GLIS3: variants seen among roughly 807,000 people sequenced by gnomAD.
The protein encoded by GLIS3 is zinc finger protein GLIS3.
In GLIS3, 53 loss-of-function variants were observed where a neutral mutation model predicts 78.6. That is an observed-to-expected ratio of 0.67 (90% CI 0.54 to 0.85). The LOEUF (loss-of-function observed/expected upper bound fraction) is 0.85, where lower values mean the gene tolerates loss of function less well. Ranked by LOEUF, GLIS3 falls within the 40% of genes least tolerant of loss-of-function variation. The pLI, the probability that GLIS3 is intolerant of heterozygous loss-of-function variation, is 0.00. For synonymous variants in GLIS3, 684 were observed against 509.9 expected (o/e 1.34, Z -4.60); for missense variants, 1,703 against 1,231.1 (o/e 1.38, Z -5.74).
chr9:4,271,202 T>C (rs1183604506), intron 2 of GLIS3, among the ~76,000 whole-genome samples: 1 of 152,166 alleles, frequency 6.6e-6, no homozygotes, highest in East Asian at 1.9e-4. Context: ...GTAACTTCTG[T>C]TTCTCAGTAG....
the GLIS3 span, among the ~76,000 whole-genome samples, chr9:4,434,355 T>C: frequency 6.6e-6 from 1 of 152,320 alleles, no homozygotes; most frequent in Non-Finnish European, 1.5e-5. Context: ...ATTTATTTTA[T>C]GACAGTATGT....
At chr9:3,916,568 T>C (rs2130709225) in intron 6 of GLIS3, among the ~76,000 whole-genome samples, 1 of 152,362 alleles carries the variant, frequency 6.6e-6, no homozygotes, top group Non-Finnish European at 1.5e-5. Context: ...TAATCCTCTT[T>C]TGCCAACATC....
At chr9:4,486,808 G>T in the GLIS3 span, among the ~76,000 whole-genome samples, 1 of 152,168 alleles carries the variant, frequency 6.6e-6, no homozygotes, top group Non-Finnish European at 1.5e-5. Flanking sequence ...TCTTGCCTCA[G>T]CCTCCCAAGT....
chr9:4,251,969 G>A (rs1001216507), intron 2 of GLIS3, among the ~76,000 whole-genome samples: 2 of 152,220 alleles, frequency 1.3e-5, no homozygotes, highest in African/African-American at 4.8e-5. Flanking sequence ...TGTGCCGAGA[G>A]ATCTGCTGTT....
At chr9:4,442,847 G>C in the GLIS3 span, among the ~76,000 whole-genome samples, 1 of 151,858 alleles carries the variant, frequency 6.6e-6, no homozygotes, top group African/African-American at 2.4e-5. Context: ...CTCTATAGAA[G>C]TTTTGAAGTT....
At chr9:3,932,652 A>G (rs1825689161) in intron 5 of GLIS3, 182 bp from the exon 6 acceptor site, 1 of 570,182 alleles carries the variant, frequency 1.8e-6, no homozygotes, top group Non-Finnish European at 3.2e-6. Flanking sequence ...TGGTTAAGAG[A>G]AGGGTAAACT....
chr9:4,438,912 G>A, the GLIS3 span, among the ~76,000 whole-genome samples: 7 of 152,086 alleles, frequency 4.6e-5, no homozygotes, highest in East Asian at 1.9e-4. Flanking sequence ...TATTAGCAGC[G>A]TGAGAACAGA....
intron 2 of GLIS3, among the ~76,000 whole-genome samples, chr9:4,226,650 G>A (rs1401342048): frequency 6.6e-6 from 1 of 152,150 alleles, no homozygotes; most frequent in Non-Finnish European, 1.5e-5. Flanking sequence ...AGATAGCAAG[G>A]TCTCAAGAGA....
intron 2 of GLIS3, chr9:4,151,952 T>A (rs1834717124): frequency 6.3e-6 from 1 of 159,004 alleles, no homozygotes; most frequent in Non-Finnish European, 1.3e-5. Flanking sequence ...TGAGAAGACA[T>A]AAAAACATCA....
chr9:3,901,556 C>G (rs769489092), intron 6 of GLIS3, among the ~76,000 whole-genome samples: 11 of 152,172 alleles, frequency 7.2e-5, no homozygotes, highest in Non-Finnish European at 1.5e-4. Flanking sequence ...GAAAGACAAA[C>G]ACACACATAC....
intron 4 of GLIS3, among the ~76,000 whole-genome samples, chr9:4,042,600 C>T (rs1043552212): frequency 3.9e-5 from 6 of 152,120 alleles, no homozygotes; most frequent in African/African-American, 1.4e-4. Context: ...TGATTCTGAG[C>T]AATTTATGTA....
chr9:4,397,032 T>TTTC, the GLIS3 span, among the ~76,000 whole-genome samples: 1 of 147,170 alleles, frequency 6.8e-6, no homozygotes, highest in East Asian at 1.9e-4. Context: ...TTCTTTTTTT[T>TTTC]TTTTTTTTTT....
At chr9:4,080,362 G>T (rs1302573177) in intron 4 of GLIS3, among the ~76,000 whole-genome samples, 1 of 151,888 alleles carries the variant, frequency 6.6e-6, no homozygotes, top group Non-Finnish European at 1.5e-5. Flanking sequence ...CATTTAAGGG[G>T]GCTCCAAAAA....
At chr9:4,078,255 A>C (rs574981838) in intron 4 of GLIS3, among the ~76,000 whole-genome samples, 25 of 152,290 alleles carry the variant, frequency 1.6e-4, no homozygotes, top group Middle Eastern at 3.4e-3. Context: ...ATATGTATCA[A>C]AGCAGTGGTG....
chr9:4,157,116 A>G (rs948199849), intron 2 of GLIS3, among the ~76,000 whole-genome samples: 1 of 152,224 alleles, frequency 6.6e-6, no homozygotes, highest in Admixed American at 6.5e-5. Context: ...GTGTATGAAT[A>G]TTATTTTCAG....
At chr9:4,349,695 C>T (rs1036250921), upstream of GLIS3, among the ~76,000 whole-genome samples, 1 of 152,050 alleles carries the variant, frequency 6.6e-6, no homozygotes, top group Admixed American at 6.5e-5. Flanking sequence ...TCACTCTAAG[C>T]ACACAGAAAT....
intron 4 of GLIS3, among the ~76,000 whole-genome samples, chr9:4,088,697 C>T (rs2065615294): frequency 6.6e-6 from 1 of 152,166 alleles, no homozygotes; most frequent in South Asian, 2.1e-4. Context: ...TGACCTTGTC[C>T]CTTCTCCTCA....
At chr9:4,468,583 G>A in the GLIS3 span, among the ~76,000 whole-genome samples, 1 of 152,198 alleles carries the variant, frequency 6.6e-6, no homozygotes, top group South Asian at 2.1e-4. Context: ...AAAAGCAAAT[G>A]CTGAGAGATT....
the GLIS3 span, among the ~76,000 whole-genome samples, chr9:4,489,599 C>A: frequency 6.6e-6 from 1 of 152,142 alleles, no homozygotes; most frequent in African/African-American, 2.4e-5. Flanking sequence ...ATTCACTTAG[C>A]AACACCAAAT....
Sources: allele counts gnomAD v4.1 joint callset (sites outside exome capture counted in the v4.1 genomes callset), GRCh38; gene constraint gnomAD v4.1.1; transcripts MANE v1.5; gene names NCBI Gene and HGNC (gene_info 2026-07-23, HGNC 2026-07-21).